The following NIPAL2 variants were observed in gnomAD, a reference collection of about 807,000 sequenced individuals.
The protein encoded by NIPAL2 is NIPA-like protein 2.
In NIPAL2, 43 loss-of-function variants were observed where a neutral mutation model predicts 48.9. That is an observed-to-expected ratio of 0.88 (90% CI 0.69 to 1.13). The LOEUF (loss-of-function observed/expected upper bound fraction) is 1.13, where lower values mean the gene tolerates loss of function less well. Ranked by LOEUF, NIPAL2 falls within the 50% of genes most tolerant of loss-of-function variation. The pLI is 0.00. For synonymous variants in NIPAL2, 167 were observed against 174.6 expected, an observed-to-expected ratio of 0.96 and a Z score of 0.34; for missense variants, 446 against 461.4, an observed-to-expected ratio of 0.97 and a Z score of 0.31.
At chr8:98,241,238 A>G (rs1043924336) in intron 3 of NIPAL2, among the ~76,000 whole-genome samples, 3 of 152,194 alleles carry the variant, frequency 2.0e-5, no homozygotes, top group Non-Finnish European at 4.4e-5. Context: ...AAGAAACACA[A>G]CCCCAGTGGA....
Position 98,236,211 on chromosome 8 carries a change from C to A in NIPAL2, c.380G>T (p.Ser127Ile), listed in dbSNP as rs1563511039. Residue 127 changes from serine (S) to isoleucine (I), a missense_variant, in exon 4 of 11, where the codon AGT becomes ATT. By Grantham distance (142) the Ser-to-Ile change is moderately radical. Transcript: ENST00000430223. Reference protein sequence around the residue: ...APLGCVSVTGSAIISVTFLKD... With the variant: ...APLGCVSVTGIAIISVTFLKD... ...CAGAAATGTAACAGAAATAATGGCA[C>A]TACCTATAAAGAAAATGGCCATTAG... The A allele has an allele frequency of 6.2e-7, 1 of 1,600,592 alleles. No homozygotes were observed. The highest frequency in any genetic ancestry group is 8.5e-7 in the Non-Finnish European group (1 of 1,171,880).
intron 6 of NIPAL2, 104 bp from the exon 7 acceptor site, chr8:98,205,350 T>A: frequency 1.9e-6 from 2 of 1,033,928 alleles, no homozygotes; most frequent in Non-Finnish European, 2.8e-6. Flanking sequence ...AATTATGGTT[T>A]AAGAATGAAC....
At chr8:98,271,163 T>G (rs1403789307) in intron 1 of NIPAL2, among the ~76,000 whole-genome samples, 1 of 152,206 alleles carries the variant, frequency 6.6e-6, no homozygotes, top group African/African-American at 2.4e-5. Flanking sequence ...TGCTTAAGAT[T>G]GCTTTGGCTA....
intron 1 of NIPAL2, among the ~76,000 whole-genome samples, chr8:98,258,157 T>A (rs1814021889): frequency 6.6e-6 from 1 of 152,222 alleles, no homozygotes; most frequent in Admixed American, 6.5e-5. Flanking sequence ...CTTGTGTGAT[T>A]CCACTTACAT....
chr8:98,213,118 C>A (rs113633934), intron 5 of NIPAL2, among the ~76,000 whole-genome samples: 1,952 of 152,270 alleles, frequency 0.013, 49 homozygotes, highest in African/African-American at 0.044. Context: ...ATGACAGGCA[C>A]TCACAGAGTC....
chr8:98,197,179 ACAATAAAGCTAATCTCT>A (rs1229771309), intron 8 of NIPAL2, among the ~76,000 whole-genome samples: 7 of 151,798 alleles, frequency 4.6e-5, no homozygotes, highest in Non-Finnish European at 1.0e-4. Context: ...AGACCACATC[ACAATAAAGCTAATCTCT>A]CAATAAAGCA....
intron 3 of NIPAL2, chr8:98,251,810 GT>G (rs1813604165): frequency 6.6e-6 from 1 of 152,088 alleles, no homozygotes; most frequent in Admixed American, 6.5e-5. Flanking sequence ...GAAACATTCT[GT>G]TTCCATAGCA....
At chr8:98,255,873 T>C (rs1024622088) in intron 1 of NIPAL2, among the ~76,000 whole-genome samples, 5 of 152,238 alleles carry the variant, frequency 3.3e-5, no homozygotes, top group Admixed American at 1.3e-4. Flanking sequence ...TTAAAATTCT[T>C]TAAGTCATTC....
intron 1 of NIPAL2, among the ~76,000 whole-genome samples, chr8:98,265,346 C>A (rs1462563496): frequency 2.1e-5 from 3 of 145,356 alleles, no homozygotes; most frequent in African/African-American, 7.7e-5. Context: ...GAACAGGCAA[C>A]CTACAGAATG....
At chr8:98,205,269 CAAAT>C (rs773708924) in intron 6 of NIPAL2, 23 bp from the exon 7 acceptor site, 41 of 1,591,886 alleles carry the variant, frequency 2.6e-5, no homozygotes, top group Non-Finnish European at 3.1e-5. Context: ...ACAAAAAACA[CAAAT>C]AAAGAACATA....
chr8:98,245,567 T>C (rs1372249246), intron 3 of NIPAL2, among the ~76,000 whole-genome samples: 1 of 152,234 alleles, frequency 6.6e-6, no homozygotes, highest in East Asian at 1.9e-4. Context: ...TTAAGAACAA[T>C]AATCCTTTCT....
chr8:98,277,360 C>A (rs1333983932), intron 1 of NIPAL2, among the ~76,000 whole-genome samples: 1 of 151,980 alleles, frequency 6.6e-6, no homozygotes, highest in East Asian at 1.9e-4. Context: ...GAAACTCTGT[C>A]TCTACTATTA....
At chr8:98,193,493 T>A in intron 10 of NIPAL2, 1 of 1,342,224 alleles carries the variant, frequency 7.5e-7, no homozygotes, top group Middle Eastern at 1.8e-4. Flanking sequence ...ACGGAGCCTA[T>A]GCACTGAGCT....
intron 10 of NIPAL2, among the ~76,000 whole-genome samples, chr8:98,194,235 G>A (rs1810438863): frequency 6.6e-6 from 1 of 152,186 alleles, no homozygotes; most frequent in African/African-American, 2.4e-5. Flanking sequence ...GTGAGAACGG[G>A]AAAGAGTGTT....
intron 1 of NIPAL2, among the ~76,000 whole-genome samples, chr8:98,267,013 G>A (rs1412284150): frequency 6.6e-6 from 1 of 150,768 alleles, no homozygotes; most frequent in Non-Finnish European, 1.5e-5. Flanking sequence ...GGCAGACATA[G>A]TAAATGAAGG....
Position 98,203,163 on chromosome 8 carries a change from C to T in NIPAL2, c.825G>A (p.Thr275=), listed in dbSNP as rs1396323430. 17 of 1,614,104 alleles carry T rather than the reference C, an allele frequency of 1.1e-5. No individual in the cohort carries two copies. In the East Asian group the frequency reaches 2.2e-4, roughly 21 times the overall value. Residue 275 remains threonine, a synonymous_variant, in exon 8 of 11, where the codon ACG becomes ACA. Coordinates refer to ENST00000430223, the MANE Select transcript of NIPAL2 (RefSeq NM_001321635.2). ...FLNQATKLYN[T]TTVVPVNHIF... ...TATGATTAACTGGCACCACTGTTGT[C>T]GTATTGTAGAGTTTCGTGGCTTGAT...
intron 10 of NIPAL2, among the ~76,000 whole-genome samples, chr8:98,193,736 G>C: frequency 6.6e-6 from 1 of 151,250 alleles, no homozygotes; most frequent in East Asian, 1.9e-4. Flanking sequence ...CCGGGAGGGG[G>C]AGGCTGCAGT....
chr8:98,205,368 T>C, intron 6 of NIPAL2, 122 bp from the exon 7 acceptor site: 1 of 878,578 alleles, frequency 1.1e-6, no homozygotes, highest in Non-Finnish European at 1.7e-6. Flanking sequence ...AACACAGTTG[T>C]GAGAGGTGTA....
chr8:98,190,047 T>C lies in NIPAL2; in HGVS notation c.*2931A>G, dbSNP rs1164590473. The C allele has an allele frequency of 6.6e-6, 1 of 152,220 alleles. No individual in the cohort carries two copies. The highest frequency in any genetic ancestry group is 1.5e-5 in the Non-Finnish European group (1 of 68,052). The allele number at this position is 152,220 out of a possible 1,614,324, so 9.4% of individuals were successfully genotyped here. A position where few individuals can be genotyped will look rare whatever the true frequency, so the allele number is the denominator to read the frequency against. On this transcript the variant is annotated 3_prime_UTR_variant, in exon 11 of 11. Coordinates refer to ENST00000430223, the MANE Select transcript of NIPAL2 (RefSeq NM_001321635.2). ...GGCTTTTCGAATGTAGTTAGTGGTG[T>C]TCACAAAAGAACCACTGCCTTTCAA...
Sources: gnomAD v4.1 joint callset for allele counts (sites outside exome capture counted in the v4.1 genomes callset) on GRCh38, gnomAD v4.1.1 for gene constraint, MANE v1.5 for transcripts, NCBI Gene and HGNC (gene_info 2026-07-23, HGNC 2026-07-21) for gene names.